The following NUDT5 variants were observed in gnomAD, a reference collection of about 807,000 sequenced individuals.
NUDT5 encodes ADP-sugar pyrophosphatase.
Under a neutral mutation model 34.1 loss-of-function variants are expected in NUDT5, and 21 were observed. That is an observed-to-expected ratio of 0.62 (90% CI 0.44 to 0.89). The LOEUF is 0.89. NUDT5 is among the 40% of genes least tolerant of loss of function. NUDT5 has a pLI of 0.00. For synonymous variants in NUDT5, 85 were observed against 97.6 expected, an observed-to-expected ratio of 0.87 and a Z score of 0.76; for missense variants, 249 against 274.8, an observed-to-expected ratio of 0.91 and a Z score of 0.66.
rs1336116929 is a variant in NUDT5 at position 12,173,933 on chromosome 10, C to G, written c.290-120G>C. 4 of 717,468 alleles carry G rather than the reference C, an allele frequency of 5.6e-6. No individual in the cohort carries two copies. The highest frequency in any genetic ancestry group is 1.8e-5 in the African/African-American group (1 of 56,528). 44.4% of individuals were successfully genotyped at this position (717,468 alleles called of 1,614,324 possible). ...CCAGGCTGGAGTGCAGTGGTGCGAT[C>G]TCGGCCCACTGCAACCTCCGCCCGT... On this transcript the variant is annotated intron_variant, in intron 5 of 9. Transcript: ENST00000491614. This position sits in a 1 kb window ranked among gnomAD's most constrained non-coding sequence, Gnocchi z 4.7.
In NUDT5 at chr10:12,173,829, ATTGGTG is replaced by A. The variant is rs773653097; in HGVS notation, c.290-22_290-17del. The stretch of plus-strand genomic sequence containing the variant: ...TCTATGAGACCTGCAAGTCCAAATC[ATTGGTG>A]TGATGGGAGCGGGAAATCCGGTTCT... On this transcript the variant is annotated splice_polypyrimidine_tract_variant and intron_variant, in intron 5 of 9. Coordinates refer to ENST00000491614, the MANE Select transcript of NUDT5 (RefSeq NM_014142.4). The surrounding 1 kb of genome is among the most constrained non-coding windows in gnomAD (Gnocchi z 4.7). 28 of 1,577,284 alleles carry A rather than the reference ATTGGTG, an allele frequency of 1.8e-5. No individual in the cohort carries two copies. In the Middle Eastern group the frequency reaches 5.0e-4, roughly 28 times the overall value.
At chr10:12,189,955 G>A (rs570185587) in intron 1 of NUDT5, among the ~76,000 whole-genome samples, 105 of 149,944 alleles carry the variant, frequency 7.0e-4, no homozygotes, top group African/African-American at 2.5e-3. Context: ...GTGCAGTGGC[G>A]CGATCTCCGC....
At position 12,186,444 on chromosome 10, in the gene NUDT5, G is replaced by A. The variant is rs1367566188; in HGVS notation, c.-41-112C>T. 35 of 641,726 alleles carry A rather than the reference G, an allele frequency of 5.5e-5. No individual in the cohort carries two copies. In the South Asian group the frequency reaches 5.5e-4, roughly 10 times the overall value. The allele number at this position is 641,726 out of a possible 1,614,324, so 39.8% of individuals were successfully genotyped here. On this transcript the variant is annotated intron_variant, in intron 1 of 9. Coordinates refer to ENST00000491614, the MANE Select transcript of NUDT5 (RefSeq NM_014142.4). ...GGCAAAAAATTCATCTACCATCAAC[G>A]CTGCCTGTCTCAGTATGTGAGGGAA...
rs1259698697 is a variant in NUDT5, at chr10:12,179,089, C to T, written c.175G>A (p.Ala59Thr). 40 of 1,613,892 alleles carry T rather than the reference C, an allele frequency of 2.5e-5. No homozygotes were observed. The highest frequency in any genetic ancestry group is 3.1e-5 in the Non-Finnish European group (37 of 1,179,878). ...AATAGGTTTGCACTCCTACCATCCGCAGTCTGCTCTTTCCTGGTTGTACGT... is the reference window on the plus strand; with the variant it reads ...AATAGGTTTGCACTCCTACCATCCGTAGTCTGCTCTTTCCTGGTTGTACGT... ...VKRTTRKEQTADGVAVIPVLQ... is the reference protein window; with the variant it reads ...VKRTTRKEQTTDGVAVIPVLQ... Residue 59 changes from alanine to threonine, a missense_variant, in exon 4 of 10, where the codon GCG becomes ACG. Transcript: ENST00000491614.
intron 5 of NUDT5, among the ~76,000 whole-genome samples, chr10:12,176,364 G>C (rs1834949679): frequency 6.6e-6 from 1 of 152,136 alleles, no homozygotes. Flanking sequence ...AGCACTTTGA[G>C]AGGCCAAGGT....
In NUDT5 at chr10:12,181,867, G is replaced by A. The variant is rs1037874573; in HGVS notation, c.132-2735C>T. Among the ~76,000 whole-genome samples, 3 of 151,954 alleles carry A rather than the reference G, an allele frequency of 2.0e-5. No homozygotes were observed. The highest frequency in any genetic ancestry group is 4.8e-5 in the African/African-American group (2 of 41,368). On this transcript the variant is annotated intron_variant, in intron 3 of 9. Transcript: ENST00000491614. The surrounding 1 kb of genome is among the most constrained non-coding windows in gnomAD (Gnocchi z 5.0). ...AAAAAAAAAGGATATGGCCGGATGC[G>A]GTGGCTCACGACTGTAGTCCTAGCA...
rs1042747589 is a variant in NUDT5 at position 12,170,425 on chromosome 10, T to G, written c.550+292A>C. On this transcript the variant is annotated intron_variant, in intron 9 of 9. Transcript: ENST00000491614. This position sits in a 1 kb window ranked among gnomAD's most constrained non-coding sequence, Gnocchi z 4.9. ...ATTGCTATGGACTGAAGGTTTAAAGTGTAGAATCGTTTTGGCTACTCAGCA... is the reference window on the plus strand; with the variant it reads ...ATTGCTATGGACTGAAGGTTTAAAGGGTAGAATCGTTTTGGCTACTCAGCA... The G allele has an allele frequency of 3.2e-6, 2 of 618,018 alleles. No homozygotes were observed. Among genetic ancestry groups the G allele is most frequent in the Non-Finnish European group, 2.8e-6 (1 of 353,182 alleles). 38.3% of individuals were successfully genotyped at this position (618,018 alleles called of 1,614,324 possible).
chr10:12,166,454 T>C lies in NUDT5; in HGVS notation c.*1248A>G, dbSNP rs1197972986. 4.2e-6 allele frequency: 1 copy of C among 235,644 alleles called. No individual in the cohort carries two copies. Among genetic ancestry groups the C allele is most frequent in the Admixed American group, 5.1e-5 (1 of 19,682 alleles). 14.6% of individuals were successfully genotyped at this position (235,644 alleles called of 1,614,324 possible). On this transcript the variant is annotated 3_prime_UTR_variant, in exon 10 of 10. Transcript: ENST00000491614. ...CAGCTTCATCTGTAAAGTTCTGTAT[T>C]TCCATAATTGTTTTATCTTTAGGAA... is the stretch of plus-strand genomic sequence containing the variant.
Position 12,165,383 on chromosome 10 carries a change from AAAAAT to A in NUDT5, c.*2314_*2318del, listed in dbSNP as rs1834645326. The A allele has an allele frequency of 3.2e-5, 31 of 964,872 alleles. No individual in the cohort carries two copies. The highest frequency in any genetic ancestry group is 3.8e-5 in the Non-Finnish European group (31 of 811,446). The allele number at this position is 964,872 out of a possible 1,614,324, so 59.8% of individuals were successfully genotyped here. ...AGAAAACTGATTCAGTTGTGTTGGA[AAAAAT>A]AAAGAAATCTGATATTAAACGTTTT... On this transcript the variant is annotated 3_prime_UTR_variant, in exon 10 of 10. Transcript: ENST00000491614.
rs925951831 is a variant in NUDT5, at chr10:12,166,492, G to T, written c.*1210C>A. The T allele has an allele frequency of 1.1e-5, 3 of 284,598 alleles. No individual in the cohort carries two copies. The highest frequency in any genetic ancestry group is 2.1e-5 in the Non-Finnish European group (3 of 141,526). The allele number at this position is 284,598 out of a possible 1,614,324, so 17.6% of individuals were successfully genotyped here. On this transcript the variant is annotated 3_prime_UTR_variant, in exon 10 of 10. Transcript: ENST00000491614. ...TTATCTTTAGGAAGTCCAGTGTAAA[G>T]ATCTTACAGTTTCACTCATAAAAAT...
In NUDT5 at chr10:12,171,155, TGTAA is replaced by T. The variant is rs769620849; in HGVS notation, c.488-251_488-248del. On this transcript the variant is annotated intron_variant, in intron 7 of 9. Coordinates refer to ENST00000491614, the MANE Select transcript of NUDT5 (RefSeq NM_014142.4). This position sits in a 1 kb window ranked among gnomAD's most constrained non-coding sequence, Gnocchi z 4.2. ...TTTATAGATATGAATCTGCGTATTA[TGTAA>T]AATATACAGAACATATAAAAACTTA... is the stretch of plus-strand genomic sequence containing the variant. Among the ~76,000 whole-genome samples, 3 of 152,218 alleles carry T rather than the reference TGTAA, an allele frequency of 2.0e-5. No individual in the cohort carries two copies. The highest frequency in any genetic ancestry group is 2.9e-5 in the Non-Finnish European group (2 of 68,046).
intron 1 of NUDT5, among the ~76,000 whole-genome samples, chr10:12,188,923 C>T (rs12267330): frequency 0.15 from 23,015 of 152,028 alleles, 1,919 homozygotes; most frequent in Middle Eastern, 0.24. Flanking sequence ...GTAATCTACA[C>T]GGAGTGATCA....
chr10:12,167,713 A>C lies in NUDT5; in HGVS notation c.649T>G (p.Leu217Val). The C allele has an allele frequency of 6.2e-7, 1 of 1,614,136 alleles. No individual in the cohort carries two copies. Among genetic ancestry groups the C allele is most frequent in the Non-Finnish European group, 8.5e-7 (1 of 1,179,996 alleles). The change falls in exon 10 of 10, where the codon TTG becomes GTG. Residue 217 changes from leucine to valine, a missense_variant. Leu to Val is a conservative substitution (Grantham distance 32, BLOSUM62 1). Transcript: ENST00000491614. ...ANAKPFEVPF[L>V]KF Reference sequence around the variant, plus strand: ...TGTCATATTTGGGCTTAAAATTTCAAGAAGGGCACTTCAAATGGCTTTGCA... The same window carrying C: ...TGTCATATTTGGGCTTAAAATTTCACGAAGGGCACTTCAAATGGCTTTGCA...
At chr10:12,177,250 G>T (rs564301865) in intron 5 of NUDT5, among the ~76,000 whole-genome samples, 12 of 152,056 alleles carry the variant, frequency 7.9e-5, no homozygotes, top group South Asian at 2.1e-4. Flanking sequence ...CAGGGTGCAA[G>T]GGCTCACGCC....
At position 12,181,504 on chromosome 10, in the gene NUDT5, C is replaced by T. The variant is rs1292389574; in HGVS notation, c.132-2372G>A. Among the ~76,000 whole-genome samples the T allele has an allele frequency of 1.3e-5, 2 of 152,154 alleles. No homozygotes were observed. The highest frequency in any genetic ancestry group is 2.9e-5 in the Non-Finnish European group (2 of 68,016). On this transcript the variant is annotated intron_variant, in intron 3 of 9. Coordinates refer to ENST00000491614, the MANE Select transcript of NUDT5 (RefSeq NM_014142.4). This position sits in a 1 kb window ranked among gnomAD's most constrained non-coding sequence, Gnocchi z 5.0. ...ATGCAGGCCTTTTTGACATTTTGAA[C>T]AGTATCTTTACCCCACAGAGCAGGA... is the stretch of plus-strand genomic sequence containing the variant.
chr10:12,185,249 G>C (rs976372423), intron 2 of NUDT5, among the ~76,000 whole-genome samples: 1 of 152,196 alleles, frequency 6.6e-6, no homozygotes, highest in African/African-American at 2.4e-5. Context: ...GGGCATGGAG[G>C]TAACTGGAAG....
intron 5 of NUDT5, among the ~76,000 whole-genome samples, chr10:12,174,832 G>A (rs756343893): frequency 5.9e-5 from 9 of 152,116 alleles, no homozygotes; most frequent in South Asian, 4.1e-4. Context: ...TTCCTCACAC[G>A]TAGGATGCTG....
At chr10:12,185,834 G>A (rs1424911005) in intron 2 of NUDT5, among the ~76,000 whole-genome samples, 1 of 152,198 alleles carries the variant, frequency 6.6e-6, no homozygotes, top group African/African-American at 2.4e-5. Context: ...GAATTCACTG[G>A]AATTTAGACT....
At chr10:12,185,949 A>G (rs1835120007) in intron 2 of NUDT5, among the ~76,000 whole-genome samples, 1 of 152,184 alleles carries the variant, frequency 6.6e-6, no homozygotes, top group Admixed American at 6.5e-5. Flanking sequence ...GCAAATGCAT[A>G]TATTCTTTCT....
Sources: gnomAD v4.1 joint callset for allele counts (sites outside exome capture counted in the v4.1 genomes callset) on GRCh38, gnomAD v4.1.1 for gene constraint, Gnocchi (gnomAD v3.1) non-coding constraint, MANE v1.5 for transcripts, NCBI Gene and HGNC (gene_info 2026-07-23, HGNC 2026-07-21) for gene names.